Variants in MME observed in about 807,000 individuals in gnomAD.
MME encodes neprilysin.
A neutral mutation model predicts 113.2 loss-of-function variants in MME; 98 were observed. The ratio of observed to expected loss-of-function variants is 0.87; its 90% CI spans 0.74 to 1.02. The LOEUF is 1.02. Ranked by LOEUF, MME falls within the 50% of genes least tolerant of loss-of-function variation. The pLI is 0.00. For synonymous variants in MME, 292 were observed against 300.6 expected (o/e 0.97, Z 0.30); for missense variants, 836 against 896.0 (o/e 0.93, Z 0.86).
At chr3:155,060,404 C>A (rs1243748105) in intron 1 of MME, among the ~76,000 whole-genome samples, 1 of 152,008 alleles carries the variant, frequency 6.6e-6, no homozygotes, top group Non-Finnish European at 1.5e-5. Context: ...TTTTCTGGTC[C>A]TTAGTTTACT....
intron 1 of MME, among the ~76,000 whole-genome samples, chr3:155,049,400 A>AT (rs1713676857): frequency 6.6e-6 from 1 of 152,132 alleles, no homozygotes; most frequent in Admixed American, 6.6e-5. Context: ...AATGCCAAGG[A>AT]TTGCCAGAAA....
intron 16 of MME, among the ~76,000 whole-genome samples, chr3:155,153,907 C>T (rs1002135879): frequency 6.6e-6 from 1 of 152,090 alleles, no homozygotes; most frequent in South Asian, 2.1e-4. Flanking sequence ...TCTTAAGGGG[C>T]AGATGATTAA....
chr3:155,042,284 CTG>C (rs1713347738), intron 1 of MME, among the ~76,000 whole-genome samples: 1 of 152,158 alleles, frequency 6.6e-6, no homozygotes, highest in South Asian at 2.1e-4. Flanking sequence ...TCAACTGTTT[CTG>C]TGTGTCTAGC....
At chr3:155,051,883 C>A (rs1227622419) in intron 1 of MME, among the ~76,000 whole-genome samples, 2 of 152,154 alleles carry the variant, frequency 1.3e-5, no homozygotes, top group African/African-American at 4.8e-5. Context: ...TGAGACAAGG[C>A]AAGTCCCTTC....
chr3:155,053,697 G>C (rs1259708121), intron 1 of MME, among the ~76,000 whole-genome samples: 2 of 152,176 alleles, frequency 1.3e-5, no homozygotes, highest in African/African-American at 2.4e-5. Flanking sequence ...AAGGCCACCA[G>C]ATTTCTGGGA....
chr3:155,079,127 G>C (rs1576687990), upstream of MME, among the ~76,000 whole-genome samples: 1 of 152,068 alleles, frequency 6.6e-6, no homozygotes, highest in Non-Finnish European at 1.5e-5. Flanking sequence ...GGAAAAGAAA[G>C]GGAAGAAAGA....
intron 8 of MME, among the ~76,000 whole-genome samples, chr3:155,135,168 T>C (rs1720526399): frequency 6.6e-6 from 1 of 152,184 alleles, no homozygotes; most frequent in African/African-American, 2.4e-5. Flanking sequence ...AATATTTGTT[T>C]TTGTTGCAAT....
chr3:155,161,925 T>G (rs1301465306), intron 17 of MME, among the ~76,000 whole-genome samples: 1 of 152,194 alleles, frequency 6.6e-6, no homozygotes, highest in Non-Finnish European at 1.5e-5. Flanking sequence ...AAATCTTGTT[T>G]TAAAATGCCT....
At position 155,183,067 on chromosome 3, in the gene MME, C is replaced by T. The variant is rs542678762; in HGVS notation, c.*2608C>T. ...CACAAAGGGTTGGGAGCTGATGAAACTCACAAATGATGGTAGGAAGAAGCT... is the reference window on the plus strand; with the variant it reads ...CACAAAGGGTTGGGAGCTGATGAAATTCACAAATGATGGTAGGAAGAAGCT... On this transcript the variant is annotated 3_prime_UTR_variant, in exon 23 of 23. Coordinates refer to ENST00000360490, the MANE Select transcript of MME (RefSeq NM_007289.4). 2.0e-5 allele frequency: 3 copies of T among 152,286 alleles called. No individual in the cohort carries two copies. Among genetic ancestry groups the T allele is most frequent in the African/African-American group, 7.2e-5 (3 of 41,560 alleles). The allele number at this position is 152,286 out of a possible 1,614,324, so 9.4% of individuals were successfully genotyped here.
rs769679506 is a variant in MME, at chr3:155,140,313, GCT to G, written c.957+26_957+27del. 7.4e-5 allele frequency: 110 copies of G among 1,476,902 alleles called. 1 individual carries two copies. In the Middle Eastern group the frequency reaches 1.0e-3, roughly 14 times the overall value. The allele number at this position is 1,476,902 out of a possible 1,614,324, so 91.5% of individuals were successfully genotyped here. A position where few individuals can be genotyped will look rare whatever the true frequency, so the allele number is the denominator to read the frequency against. ...GGAAGGTAAGTGGTAAGTTTTTTGTGCTCTCTTATTGTGCCGTTTTCTAAATT... is the reference window on the plus strand; with the variant it reads ...GGAAGGTAAGTGGTAAGTTTTTTGTGCTCTTATTGTGCCGTTTTCTAAATT... On this transcript the variant is annotated intron_variant, in intron 10 of 22. Transcript: ENST00000360490.
upstream of MME, among the ~76,000 whole-genome samples, chr3:155,077,966 A>G (rs1714817228): frequency 6.6e-6 from 1 of 151,426 alleles, no homozygotes; most frequent in African/African-American, 2.4e-5. Context: ...GCACTTTGGG[A>G]GACCGAGGTG....
chr3:155,136,912 C>A (rs1016024851), intron 8 of MME, among the ~76,000 whole-genome samples: 3 of 152,096 alleles, frequency 2.0e-5, no homozygotes, highest in Non-Finnish European at 2.9e-5. Flanking sequence ...TCACAATTGA[C>A]TGCTTTACTA....
chr3:155,088,754 A>G (rs1716016912), intron 3 of MME, among the ~76,000 whole-genome samples: 2 of 152,090 alleles, frequency 1.3e-5, no homozygotes, highest in Non-Finnish European at 2.9e-5. Flanking sequence ...ATATCTTACC[A>G]GCAAGTCTAT....
At chr3:155,078,447 G>T (rs1714846738), upstream of MME, among the ~76,000 whole-genome samples, 1 of 151,992 alleles carries the variant, frequency 6.6e-6, no homozygotes, top group Middle Eastern at 3.2e-3. Flanking sequence ...TAGCTTTTTG[G>T]GGAAATGTCT....
intron 3 of MME, among the ~76,000 whole-genome samples, chr3:155,110,091 T>G (rs1254732889): frequency 6.6e-6 from 1 of 152,198 alleles, no homozygotes; most frequent in Non-Finnish European, 1.5e-5. Context: ...AGGCTGTGGC[T>G]GCAGAGTGGC....
intron 1 of MME, among the ~76,000 whole-genome samples, chr3:155,044,534 T>C (rs1381300812): frequency 6.6e-6 from 1 of 152,170 alleles, no homozygotes; most frequent in Non-Finnish European, 1.5e-5. Context: ...TATTTATTTA[T>C]TTTGAGACAG....
At chr3:155,140,318 C>T (rs1395040916) in intron 10 of MME, 26 bp downstream of exon 10, 9 of 1,394,792 alleles carry the variant, frequency 6.5e-6, no homozygotes, top group Non-Finnish European at 8.1e-6. Flanking sequence ...TTTGTGCTCT[C>T]TTATTGTGCC....
At chr3:155,128,137 TA>T (rs1034646558) in intron 8 of MME, among the ~76,000 whole-genome samples, 2 of 152,234 alleles carry the variant, frequency 1.3e-5, no homozygotes, top group African/African-American at 4.8e-5. Flanking sequence ...GGGAGTTGCA[TA>T]AAAATAAAAG....
chr3:155,152,631 A>G (rs1267280213), intron 16 of MME, among the ~76,000 whole-genome samples: 2 of 152,194 alleles, frequency 1.3e-5, no homozygotes, highest in Non-Finnish European at 2.9e-5. Flanking sequence ...ACTTGAGGTC[A>G]GGAGTTTGAG....
Sources: gnomAD v4.1 joint callset for allele counts (sites outside exome capture counted in the v4.1 genomes callset) on GRCh38, gnomAD v4.1.1 for gene constraint, MANE v1.5 for transcripts, NCBI Gene and HGNC (gene_info 2026-07-23, HGNC 2026-07-21) for gene names.